Variants in ATAD2B observed in about 807,000 individuals in gnomAD.
ATAD2B encodes ATPase family AAA domain containing 2B.
Under a neutral mutation model 167.6 loss-of-function variants are expected in ATAD2B, and 40 were observed. That is an observed-to-expected ratio of 0.24 (90% confidence interval 0.19 to 0.31). The LOEUF (loss-of-function observed/expected upper bound fraction) is 0.31, where lower values mean the gene tolerates loss of function less well. ATAD2B is among the 10% of genes least tolerant of loss of function. ATAD2B has a pLI of 1.00. For synonymous variants in ATAD2B, 579 were observed against 596.5 expected (o/e 0.97, Z 0.43); for missense variants, 1,242 against 1,757.2 (o/e 0.71, Z 5.24).
chr2:23,804,868 A>T (rs982870908), intron 18 of ATAD2B, among the ~76,000 whole-genome samples: 2 of 152,136 alleles, frequency 1.3e-5, no homozygotes, highest in African/African-American at 2.4e-5. Flanking sequence ...GGCTGGGCAC[A>T]GTGGCTCATG....
At chr2:23,742,453 GACA>G in the ATAD2B span, among the ~76,000 whole-genome samples, 4 of 149,768 alleles carry the variant, frequency 2.7e-5, no homozygotes, top group East Asian at 8.0e-4. Flanking sequence ...CCATCGCAAG[GACA>G]AAAAACCAAA....
chr2:23,788,752 T>C (rs1417798875), intron 19 of ATAD2B, 105 bp from the exon 20 acceptor site: 1 of 974,476 alleles, frequency 1.0e-6, no homozygotes, highest in Non-Finnish European at 1.5e-6. Context: ...ATGTTCAATA[T>C]TCATAGACCA....
chr2:23,888,111 A>C, intron 3 of ATAD2B, 126 bp from the exon 4 acceptor site: 1 of 789,012 alleles, frequency 1.3e-6, no homozygotes, highest in Non-Finnish European at 1.9e-6. Context: ...AATGGCTTTA[A>C]TAGTCAATAA....
chr2:23,849,416 T>C (rs1000978247), intron 13 of ATAD2B, among the ~76,000 whole-genome samples: 2 of 152,148 alleles, frequency 1.3e-5, no homozygotes, highest in Non-Finnish European at 2.9e-5. Context: ...GAAACTAATA[T>C]AAAATTTCAA....
chr2:23,865,148 C>T (rs757192012), intron 10 of ATAD2B, among the ~76,000 whole-genome samples: 32 of 152,182 alleles, frequency 2.1e-4, no homozygotes, highest in Middle Eastern at 3.4e-3. Flanking sequence ...TAACTCAGAA[C>T]CAGGATTAAT....
At chr2:23,698,755 T>G in the ATAD2B span, among the ~76,000 whole-genome samples, 1 of 152,078 alleles carries the variant, frequency 6.6e-6, no homozygotes, top group Non-Finnish European at 1.5e-5. Context: ...CTCGGCAGGG[T>G]CATTTGCATG....
chr2:23,875,970 G>T, intron 7 of ATAD2B, 66 bp from the exon 8 acceptor site: 1 of 1,193,320 alleles, frequency 8.4e-7, no homozygotes, highest in Non-Finnish European at 1.2e-6. Flanking sequence ...TATTAAAGGA[G>T]TAGAAATGAC....
chr2:23,724,795 G>C, the ATAD2B span, among the ~76,000 whole-genome samples: 2 of 152,132 alleles, frequency 1.3e-5, no homozygotes, highest in African/African-American at 4.8e-5. Flanking sequence ...TGTAATCCCA[G>C]CACTTTGGGA....
At chr2:23,730,665 C>CA in the ATAD2B span, among the ~76,000 whole-genome samples, 18,855 of 31,738 alleles carry the variant, frequency 0.59, 6,378 homozygotes, top group East Asian at 0.85. Context: ...GACTCCGTTT[C>CA]AAAAAAAAAA....
intron 22 of ATAD2B, among the ~76,000 whole-genome samples, chr2:23,774,119 C>T (rs1558512165): frequency 6.6e-6 from 1 of 152,024 alleles, no homozygotes. Context: ...TTAAGAAAAG[C>T]TCATTTTTAT....
At chr2:23,737,772 C>T in the ATAD2B span, among the ~76,000 whole-genome samples, 1 of 152,038 alleles carries the variant, frequency 6.6e-6, no homozygotes, top group African/African-American at 2.4e-5. Flanking sequence ...GAAATTCAAA[C>T]CAATGGCAAA....
chr2:23,744,307 G>A (rs1248419378), downstream of ATAD2B, among the ~76,000 whole-genome samples: 2 of 150,064 alleles, frequency 1.3e-5, no homozygotes, highest in Non-Finnish European at 3.0e-5. Context: ...TGGAGAAGGA[G>A]GGTTCTAGAA....
the ATAD2B span, among the ~76,000 whole-genome samples, chr2:23,724,076 T>C: frequency 2.6e-5 from 4 of 151,974 alleles, no homozygotes; most frequent in African/African-American, 9.7e-5. Flanking sequence ...AAAAAGTTTA[T>C]CTCATGAAAA....
chr2:23,926,422 C>G, intron 1 of ATAD2B, 133 bp downstream of exon 1: 3 of 1,415,128 alleles, frequency 2.1e-6, no homozygotes, highest in South Asian at 1.5e-5. Context: ...CCCTCCACCG[C>G]GCCCGCAGAC....
At chr2:23,892,610 C>T (rs1699695203) in intron 2 of ATAD2B, among the ~76,000 whole-genome samples, 1 of 151,918 alleles carries the variant, frequency 6.6e-6, no homozygotes, top group Non-Finnish European at 1.5e-5. Flanking sequence ...TAGCTGGGTA[C>T]AGGCACGCGC....
At chr2:23,792,880 G>A (rs535324927) in intron 19 of ATAD2B, among the ~76,000 whole-genome samples, 23 of 142,636 alleles carry the variant, frequency 1.6e-4, no homozygotes, top group African/African-American at 5.7e-4. Flanking sequence ...GAAGAATGGC[G>A]TGAACCCGGG....
chr2:23,711,343 T>C, the ATAD2B span, among the ~76,000 whole-genome samples: 1 of 2,946 alleles, frequency 3.4e-4, no homozygotes, highest in African/African-American at 6.6e-4. Context: ...AATTTCTTTC[T>C]TTTTTTTTTT....
chr2:23,688,002 G>A, the ATAD2B span, among the ~76,000 whole-genome samples: 1 of 152,152 alleles, frequency 6.6e-6, no homozygotes, highest in Non-Finnish European at 1.5e-5. Context: ...CCATGCAGAA[G>A]GGTCCCGGCA....
the ATAD2B span, among the ~76,000 whole-genome samples, chr2:23,680,046 G>T: frequency 6.6e-6 from 1 of 152,208 alleles, no homozygotes; most frequent in African/African-American, 2.4e-5. The surrounding 1 kb of genome is among the most constrained non-coding windows in gnomAD (Gnocchi z 4.1). Flanking sequence ...AGCCCCGAAG[G>T]ATTTGTGTGG....
Sources: allele counts gnomAD v4.1 joint callset (sites outside exome capture counted in the v4.1 genomes callset), GRCh38; gene constraint gnomAD v4.1.1; non-coding constraint Gnocchi (gnomAD v3.1); transcripts MANE v1.5; gene names NCBI Gene and HGNC (gene_info 2026-07-23, HGNC 2026-07-21).